Variants in LRFN2 observed in about 807,000 individuals in gnomAD.
LRFN2 encodes leucine rich repeat and fibronectin type III domain containing 2, also known as leucine-rich repeat and fibronectin type-III domain-containing protein 2.
A neutral mutation model predicts 37.3 loss-of-function variants in LRFN2; 18 were observed. The ratio of observed to expected loss-of-function variants is 0.48; its 90% CI spans 0.33 to 0.72. LRFN2 has a LOEUF of 0.72. LRFN2 is among the 30% of genes least tolerant of loss of function. LRFN2 has a pLI of 0.02. For missense variants in LRFN2, 1,006 were observed against 1,060.7 expected, an observed-to-expected ratio of 0.95 and a Z score of 0.72; for synonymous variants, 556 against 466.6, an observed-to-expected ratio of 1.19 and a Z score of -2.47.
At chr6:40,408,229 A>G (rs998943281) in intron 2 of LRFN2, among the ~76,000 whole-genome samples, 1 of 152,218 alleles carries the variant, frequency 6.6e-6, no homozygotes, top group Non-Finnish European at 1.5e-5. Context: ...GGTAAATGTT[A>G]TGTATATTTT....
intron 1 of LRFN2, among the ~76,000 whole-genome samples, chr6:40,448,168 C>A (rs1360185845): frequency 1.3e-5 from 2 of 152,136 alleles, no homozygotes; most frequent in Admixed American, 1.3e-4. Context: ...CATCACTTGG[C>A]CTTGGGATTT....
chr6:40,399,335 T>A (rs1581676106), intron 2 of LRFN2, among the ~76,000 whole-genome samples: 1 of 151,778 alleles, frequency 6.6e-6, no homozygotes, highest in Non-Finnish European at 1.5e-5. Flanking sequence ...ACTGCTCCCA[T>A]GCTCACTGCC....
At chr6:40,434,238 C>T (rs564647571) in intron 1 of LRFN2, among the ~76,000 whole-genome samples, 2 of 152,206 alleles carry the variant, frequency 1.3e-5, no homozygotes, top group Admixed American at 6.5e-5. Context: ...GGTGCTTTTA[C>T]AAGAATGGCT....
intron 2 of LRFN2, among the ~76,000 whole-genome samples, chr6:40,396,686 C>CTG (rs3997706): frequency 0.024 from 3,230 of 135,132 alleles, 54 homozygotes; most frequent in African/African-American, 0.043. Context: ...TTCCTCTGCT[C>CTG]TGTGTGTGTG....
intron 1 of LRFN2, among the ~76,000 whole-genome samples, chr6:40,462,083 A>T (rs1203831493): frequency 6.6e-6 from 1 of 152,200 alleles, no homozygotes; most frequent in Non-Finnish European, 1.5e-5. Flanking sequence ...AAACCTCTCC[A>T]TTTACTGACA....
intron 1 of LRFN2, among the ~76,000 whole-genome samples, chr6:40,552,655 A>C (rs1204474387): frequency 1.3e-5 from 2 of 152,230 alleles, no homozygotes; most frequent in Non-Finnish European, 2.9e-5. Context: ...CTAAAGTCTC[A>C]AAAGCCATTT....
chr6:40,517,505 A>T (rs1282679002), intron 1 of LRFN2: 3 of 152,192 alleles, frequency 2.0e-5, no homozygotes, highest in African/African-American at 7.2e-5. Context: ...TTTCTCTCTG[A>T]TGTGGCCCCT....
intron 1 of LRFN2, among the ~76,000 whole-genome samples, chr6:40,532,584 C>G (rs1427225327): frequency 6.6e-6 from 1 of 152,200 alleles, no homozygotes; most frequent in East Asian, 1.9e-4. Flanking sequence ...CCCACCTCCG[C>G]TGCCTCTGCC....
At chr6:40,417,035 G>T (rs1763108746) in intron 2 of LRFN2, among the ~76,000 whole-genome samples, 1 of 152,144 alleles carries the variant, frequency 6.6e-6, no homozygotes, top group Non-Finnish European at 1.5e-5. Flanking sequence ...TTTGCTGCAG[G>T]ACAGAAGCTT....
At chr6:40,495,526 C>A (rs967588136) in intron 1 of LRFN2, among the ~76,000 whole-genome samples, 1 of 152,182 alleles carries the variant, frequency 6.6e-6, no homozygotes, top group Non-Finnish European at 1.5e-5. Context: ...GACCACCCAA[C>A]ATCTTCTCAA....
chr6:40,472,117 T>C (rs1764612728), intron 1 of LRFN2, among the ~76,000 whole-genome samples: 1 of 152,150 alleles, frequency 6.6e-6, no homozygotes, highest in Non-Finnish European at 1.5e-5. Flanking sequence ...AGGTTGTACT[T>C]ATAGGAAACT....
chr6:40,563,579 G>A (rs1320365213), intron 1 of LRFN2, among the ~76,000 whole-genome samples: 1 of 152,160 alleles, frequency 6.6e-6, no homozygotes, highest in African/African-American at 2.4e-5. Context: ...GGATTCAGCT[G>A]AGGCGAAGGT....
At chr6:40,542,203 G>T (rs1417964557) in intron 1 of LRFN2, among the ~76,000 whole-genome samples, 1 of 152,204 alleles carries the variant, frequency 6.6e-6, no homozygotes, top group Non-Finnish European at 1.5e-5. Flanking sequence ...GAAGCAAGGA[G>T]AGTGCCAGGG....
chr6:40,441,735 G>GT (rs1763841749), intron 1 of LRFN2, among the ~76,000 whole-genome samples: 1 of 152,132 alleles, frequency 6.6e-6, no homozygotes. Context: ...GCCTACAGGT[G>GT]TGAGTACGTG....
chr6:40,393,717 C>T (rs1406854796), intron 2 of LRFN2, among the ~76,000 whole-genome samples: 1 of 152,172 alleles, frequency 6.6e-6, no homozygotes, highest in Non-Finnish European at 1.5e-5. Context: ...TGCTCCAGCC[C>T]TCCTGTGACC....
intron 1 of LRFN2, among the ~76,000 whole-genome samples, chr6:40,490,254 T>C (rs1256526910): frequency 6.6e-6 from 1 of 152,244 alleles, no homozygotes; most frequent in African/African-American, 2.4e-5. Context: ...TTTTCAAAAA[T>C]GTAATTTCAT....
chr6:40,493,855 T>C (rs918462259), intron 1 of LRFN2, among the ~76,000 whole-genome samples: 12 of 152,204 alleles, frequency 7.9e-5, no homozygotes, highest in Admixed American at 2.0e-4. Flanking sequence ...CAGGTTACAA[T>C]TGATCTCTGT....
chr6:40,459,695 C>T (rs1764305906), intron 1 of LRFN2, among the ~76,000 whole-genome samples: 1 of 152,220 alleles, frequency 6.6e-6, no homozygotes, highest in Non-Finnish European at 1.5e-5. Context: ...AAGGCACTTT[C>T]ACCTATGCTT....
chr6:40,414,746 A>G (rs974087770), intron 2 of LRFN2, among the ~76,000 whole-genome samples: 1 of 152,222 alleles, frequency 6.6e-6, no homozygotes, highest in Non-Finnish European at 1.5e-5. Context: ...TGGCCCCCCC[A>G]GGCGGGGTCA....
Sources: gnomAD v4.1 joint callset for allele counts (sites outside exome capture counted in the v4.1 genomes callset) on GRCh38, gnomAD v4.1.1 for gene constraint, MANE v1.5 for transcripts, NCBI Gene and HGNC (gene_info 2026-07-23, HGNC 2026-07-21) for gene names.